The following LCLAT1 variants were observed in gnomAD, a reference collection of about 807,000 sequenced individuals.
LCLAT1 encodes 1-AGP acyltransferase 8.
A neutral mutation model predicts 30.7 loss-of-function variants in LCLAT1; 11 were observed. The observed-to-expected ratio is 0.36, with a 90% CI of 0.23 to 0.59. The LOEUF is 0.59. LCLAT1 is among the 20% of genes least tolerant of loss of function. The pLI, the probability that LCLAT1 is intolerant of heterozygous loss-of-function variation, is 0.77. For synonymous variants in LCLAT1, 155 were observed against 151.3 expected (o/e 1.02, Z -0.18); for missense variants, 402 against 458.6 (o/e 0.88, Z 1.13).
intron 3 of LCLAT1, among the ~76,000 whole-genome samples, chr2:30,547,573 C>A (rs1391351114): frequency 6.6e-6 from 1 of 151,996 alleles, no homozygotes; most frequent in Non-Finnish European, 1.5e-5. Context: ...GAAAGATACT[C>A]CTCCTTAATA....
chr2:30,558,666 A>G (rs1382215889), intron 3 of LCLAT1, among the ~76,000 whole-genome samples: 3 of 151,970 alleles, frequency 2.0e-5, no homozygotes, highest in East Asian at 1.9e-4. Flanking sequence ...ACTACTACAC[A>G]TGAATTCTAA....
At chr2:30,589,064 A>G (rs1438829502) in intron 5 of LCLAT1, among the ~76,000 whole-genome samples, 1 of 152,226 alleles carries the variant, frequency 6.6e-6, no homozygotes, top group Non-Finnish European at 1.5e-5. Flanking sequence ...TACATTTTGT[A>G]AATTCTGCAA....
chr2:30,626,200 G>T (rs1668501361), intron 5 of LCLAT1, among the ~76,000 whole-genome samples: 1 of 152,144 alleles, frequency 6.6e-6, no homozygotes, highest in African/African-American at 2.4e-5. Flanking sequence ...CAGCAAATTA[G>T]TAGATTATGC....
At chr2:30,630,948 C>G (rs1433772381) in intron 5 of LCLAT1, among the ~76,000 whole-genome samples, 2 of 152,058 alleles carry the variant, frequency 1.3e-5, no homozygotes, top group African/African-American at 4.8e-5. Context: ...AAAGCCTGTT[C>G]AAAAACAGAA....
At chr2:30,462,366 C>G (rs1572475574) in intron 1 of LCLAT1, among the ~76,000 whole-genome samples, 1 of 152,134 alleles carries the variant, frequency 6.6e-6, no homozygotes, top group Non-Finnish European at 1.5e-5. Flanking sequence ...CACATGCTGA[C>G]CAAGTCAGTA....
intron 4 of LCLAT1, among the ~76,000 whole-genome samples, chr2:30,565,885 AAGC>A (rs1299047503): frequency 6.6e-6 from 1 of 152,142 alleles, no homozygotes; most frequent in African/African-American, 2.4e-5. Flanking sequence ...TAAATGAACA[AAGC>A]AGAAAAGCGT....
chr2:30,485,208 C>T (rs753312967), intron 1 of LCLAT1, among the ~76,000 whole-genome samples: 1 of 152,148 alleles, frequency 6.6e-6, no homozygotes, highest in African/African-American at 2.4e-5. Flanking sequence ...GTTTTCCATG[C>T]ATGGTTGGCT....
chr2:30,601,300 A>G (rs1241837769), intron 5 of LCLAT1, among the ~76,000 whole-genome samples: 2 of 152,160 alleles, frequency 1.3e-5, no homozygotes, highest in African/African-American at 4.8e-5. Context: ...AAGGGTTTCA[A>G]ATAATCTGTA....
intron 1 of LCLAT1, among the ~76,000 whole-genome samples, chr2:30,491,551 C>G (rs1683832936): frequency 6.6e-6 from 1 of 152,150 alleles, no homozygotes; most frequent in African/African-American, 2.4e-5. Flanking sequence ...TTATGATTTG[C>G]TGTATTTCTG....
intron 5 of LCLAT1, among the ~76,000 whole-genome samples, chr2:30,601,150 A>ATCTCTAAAC (rs1468189174): frequency 6.6e-6 from 1 of 152,092 alleles, no homozygotes; most frequent in Non-Finnish European, 1.5e-5. Flanking sequence ...ATTTATGTTC[A>ATCTCTAAAC]TCTCTAAACT....
chr2:30,548,061 T>C (rs1227152518), intron 3 of LCLAT1, among the ~76,000 whole-genome samples: 1 of 152,184 alleles, frequency 6.6e-6, no homozygotes, highest in Non-Finnish European at 1.5e-5. Context: ...TAACAGATTA[T>C]TTCATTTTAG....
chr2:30,509,364 C>CA (rs1035839216), intron 1 of LCLAT1, among the ~76,000 whole-genome samples: 6 of 152,136 alleles, frequency 3.9e-5, no homozygotes, highest in African/African-American at 1.4e-4. Context: ...GGAATGCCTT[C>CA]ACTTTCGTCC....
At chr2:30,620,445 C>A (rs558978335) in intron 5 of LCLAT1, among the ~76,000 whole-genome samples, 4 of 152,308 alleles carry the variant, frequency 2.6e-5, no homozygotes, top group Non-Finnish European at 4.4e-5. Flanking sequence ...GAACAGATCT[C>A]TGTAGTTTGT....
chr2:30,594,603 A>C (rs1666847878), intron 5 of LCLAT1, among the ~76,000 whole-genome samples: 1 of 152,232 alleles, frequency 6.6e-6, no homozygotes, highest in Non-Finnish European at 1.5e-5. Context: ...ACATCTTCAC[A>C]ACCAAAGTTT....
At chr2:30,571,023 T>G (rs1340241083) in intron 5 of LCLAT1, among the ~76,000 whole-genome samples, 1 of 152,230 alleles carries the variant, frequency 6.6e-6, no homozygotes. Context: ...GCTTTCTGAT[T>G]TTTAAGCTCA....
chr2:30,526,265 T>C (rs1386984411), intron 2 of LCLAT1, among the ~76,000 whole-genome samples: 1 of 152,190 alleles, frequency 6.6e-6, no homozygotes, highest in Admixed American at 6.5e-5. Flanking sequence ...GTTAGATTGA[T>C]TGTCTTGTCA....
In LCLAT1 at chr2:30,602,389, T is replaced by C. The variant is rs570402078; in HGVS notation, c.628+34213T>C. Reference sequence around the variant, plus strand: ...CAAAGTATTTTAACTCTAAGAGTTATAGAGAACTTTGAGAAATTTTCAGGA... The same window carrying C: ...CAAAGTATTTTAACTCTAAGAGTTACAGAGAACTTTGAGAAATTTTCAGGA... On this transcript the variant is annotated intron_variant, in intron 5 of 5. Coordinates refer to ENST00000379509, the MANE Select transcript of LCLAT1 (RefSeq NM_001002257.3). Among the ~76,000 whole-genome samples the C allele has an allele frequency of 2.0e-5, 3 of 152,294 alleles. No homozygotes were observed. The South Asian group carries it at 6.2e-4, about 32-fold the overall frequency.
intron 5 of LCLAT1, among the ~76,000 whole-genome samples, chr2:30,636,865 T>C (rs942357681): frequency 6.6e-6 from 1 of 152,172 alleles, no homozygotes; most frequent in African/African-American, 2.4e-5. Flanking sequence ...ATTTTAAGAT[T>C]GACTGTGACA....
intron 5 of LCLAT1, among the ~76,000 whole-genome samples, chr2:30,612,445 A>G (rs1463769073): frequency 3.9e-5 from 6 of 152,106 alleles, no homozygotes; most frequent in African/African-American, 1.4e-4. Context: ...GCCTATTCAG[A>G]TGTTGGTCAT....
Sources: allele counts gnomAD v4.1 joint callset (sites outside exome capture counted in the v4.1 genomes callset), GRCh38; gene constraint gnomAD v4.1.1; transcripts MANE v1.5; gene names NCBI Gene and HGNC (gene_info 2026-07-23, HGNC 2026-07-21).